Variants in CTNNA2 observed in about 807,000 individuals in gnomAD.
CTNNA2 encodes the protein catenin alpha 2.
Under a neutral mutation model 101.0 loss-of-function variants are expected in CTNNA2, and 42 were observed. The ratio of observed to expected loss-of-function variants is 0.42; its 90% CI spans 0.32 to 0.54. The LOEUF is 0.54. Among genes scored for constraint, CTNNA2 ranks in the 20% least tolerant of loss-of-function variants. CTNNA2 has a pLI of 0.14. For missense variants in CTNNA2, 871 were observed against 1,223.1 expected (o/e 0.71, Z 4.29); for synonymous variants, 450 against 456.4 (o/e 0.99, Z 0.18).
rs1045559286 is a variant in CTNNA2 at position 80,501,510 on chromosome 2, C to T, written c.1291-43472C>T. On this transcript the variant is annotated intron_variant, in intron 9 of 18. Transcript: ENST00000402739. ...ACAATATGAACTGGGGTTAGAAACT[C>T]CTTAAAGAATCCATGGAAGAGAAAT... 2.6e-5 allele frequency among the ~76,000 whole-genome samples: 4 copies of T among 152,192 alleles called. No homozygotes were observed. In the Middle Eastern group the frequency reaches 0.01, roughly 388 times the overall value.
At chr2:80,284,672 G>A (rs375147975) in intron 7 of CTNNA2, among the ~76,000 whole-genome samples, 42 of 151,972 alleles carry the variant, frequency 2.8e-4, no homozygotes, top group African/African-American at 9.4e-4. Context: ...CCTAATAGAG[G>A]CAGGGCAGGA....
At chr2:79,406,778 A>G (rs1039188029) in intron 4 of CTNNA2, among the ~76,000 whole-genome samples, 1 of 151,972 alleles carries the variant, frequency 6.6e-6, no homozygotes, top group Non-Finnish European at 1.5e-5. Flanking sequence ...AACATCACAT[A>G]TCAACCTTTC....
intron 7 of CTNNA2, among the ~76,000 whole-genome samples, chr2:80,190,809 T>C (rs755124347): frequency 6.6e-6 from 1 of 152,184 alleles, no homozygotes; most frequent in Non-Finnish European, 1.5e-5. Flanking sequence ...TGCCATCTCT[T>C]ATGGTTTCTT....
At chr2:80,092,392 G>A (rs192572709) in intron 7 of CTNNA2, among the ~76,000 whole-genome samples, 110 of 152,156 alleles carry the variant, frequency 7.2e-4, no homozygotes, top group African/African-American at 2.4e-3. Flanking sequence ...GCATACACCC[G>A]TCACCTCAGT....
intron 9 of CTNNA2, among the ~76,000 whole-genome samples, chr2:80,543,068 C>T (rs1691719598): frequency 6.6e-6 from 1 of 152,116 alleles, no homozygotes; most frequent in Non-Finnish European, 1.5e-5. Flanking sequence ...ATTGTGTATT[C>T]CAAATTACTG....
Position 80,414,879 on chromosome 2 carries a change from C to T in CTNNA2, c.1138-4570C>T, listed in dbSNP as rs142457119. ...TTATACTGTGGAATAATCACCTAGA[C>T]ATCTTACTAAAATGCAGATTCTGGT... On this transcript the variant is annotated intron_variant, in intron 8 of 18. Transcript: ENST00000402739. Among the ~76,000 whole-genome samples the T allele has an allele frequency of 5.2e-3, 786 of 152,246 alleles. 8 individuals carry two copies. The highest frequency in any genetic ancestry group is 0.018 in the African/African-American group (738 of 41,556).
chr2:80,410,651 A>G (rs1679485160), intron 8 of CTNNA2, among the ~76,000 whole-genome samples: 1 of 152,196 alleles, frequency 6.6e-6, no homozygotes, highest in South Asian at 2.1e-4. Context: ...CATTTAAACC[A>G]TTCTAGTAGT....
At chr2:79,299,661 C>T (rs557086046) in intron 2 of CTNNA2, among the ~76,000 whole-genome samples, 1 of 152,274 alleles carries the variant, frequency 6.6e-6, no homozygotes, top group South Asian at 2.1e-4. Context: ...TCTTCGGGTT[C>T]TGTGGACACA....
intron 13 of CTNNA2, among the ~76,000 whole-genome samples, chr2:80,577,537 A>G (rs902448109): frequency 1.3e-5 from 2 of 152,160 alleles, no homozygotes; most frequent in Non-Finnish European, 2.9e-5. Flanking sequence ...GATCTGACTT[A>G]GACCTTAAAA....
chr2:80,621,982 A>T (rs1053811416), intron 18 of CTNNA2, among the ~76,000 whole-genome samples: 5 of 151,964 alleles, frequency 3.3e-5, no homozygotes, highest in African/African-American at 1.2e-4. Context: ...TATTGTATAT[A>T]AAAAGGACAG....
chr2:79,503,766 T>A (rs1380840224), intron 4 of CTNNA2, among the ~76,000 whole-genome samples: 2 of 152,192 alleles, frequency 1.3e-5, no homozygotes, highest in African/African-American at 2.4e-5. Flanking sequence ...ATTTTCATAA[T>A]AAAAAATGTT....
intron 7 of CTNNA2, among the ~76,000 whole-genome samples, chr2:79,996,368 C>T (rs542932642): frequency 5.3e-5 from 8 of 152,190 alleles, no homozygotes; most frequent in South Asian, 2.1e-4. Context: ...AATTGCCTTC[C>T]GCACTGACTG....
In CTNNA2 at chr2:79,335,013, A is replaced by C. The variant is rs571144950; in HGVS notation, c.-318+22217A>C. Reference sequence around the variant, plus strand: ...CCTCCCCCACCGCCCATGCACACACATTCAACCCACACCCATTCAGGAATT... The same window carrying C: ...CCTCCCCCACCGCCCATGCACACACCTTCAACCCACACCCATTCAGGAATT... On this transcript the variant is annotated intron_variant, in intron 3 of 21. Transcript: ENST00000466387. Among the ~76,000 whole-genome samples the C allele has an allele frequency of 1.3e-4, 20 of 152,200 alleles. 1 individual carries two copies. In the South Asian group the frequency reaches 4.1e-3, roughly 32 times the overall value.
At chr2:79,409,442 T>G (rs961679935) in intron 4 of CTNNA2, among the ~76,000 whole-genome samples, 12 of 152,164 alleles carry the variant, frequency 7.9e-5, no homozygotes, top group African/African-American at 2.7e-4. Context: ...GGTCTAACAT[T>G]TAAGTCTTTA....
chr2:80,558,934 T>C (rs1693301387), intron 12 of CTNNA2, among the ~76,000 whole-genome samples: 1 of 152,182 alleles, frequency 6.6e-6, no homozygotes, highest in African/African-American at 2.4e-5. Flanking sequence ...CTGTTGACAC[T>C]TTGGTCTGAA....
chr2:79,335,663 A>T (rs1478953613), intron 3 of CTNNA2, among the ~76,000 whole-genome samples: 1 of 152,086 alleles, frequency 6.6e-6, no homozygotes. Context: ...TCCAAAATAG[A>T]CTCTGACTGG....
At chr2:80,496,633 A>T (rs918931659) in intron 9 of CTNNA2, among the ~76,000 whole-genome samples, 1 of 152,102 alleles carries the variant, frequency 6.6e-6, no homozygotes, top group Non-Finnish European at 1.5e-5. Flanking sequence ...GGCTGTGATC[A>T]TGTGGTACAG....
intron 7 of CTNNA2, among the ~76,000 whole-genome samples, chr2:79,920,664 G>A (rs901535461): frequency 6.6e-6 from 1 of 152,156 alleles, no homozygotes; most frequent in African/African-American, 2.4e-5. Context: ...CAGTGCATTA[G>A]CTAAGGTTAA....
intron 1 of CTNNA2, among the ~76,000 whole-genome samples, chr2:79,550,193 G>A (rs747346729): frequency 3.6e-4 from 55 of 152,158 alleles, no homozygotes; most frequent in Non-Finnish European, 6.6e-4. Context: ...TCTGCACTCT[G>A]GTTACCTTTA....
Sources: allele counts gnomAD v4.1 joint callset (sites outside exome capture counted in the v4.1 genomes callset), GRCh38; gene constraint gnomAD v4.1.1; transcripts MANE v1.5; gene names NCBI Gene and HGNC (gene_info 2026-07-23, HGNC 2026-07-21).